The following NFATC1 variants were observed in gnomAD, a reference collection of about 807,000 sequenced individuals.
The protein encoded by NFATC1 is nuclear factor of activated T-cells, cytoplasmic 1.
Under a neutral mutation model 76.0 loss-of-function variants are expected in NFATC1, and 22 were observed. The ratio of observed to expected loss-of-function variants is 0.29; its 90% CI spans 0.21 to 0.41. NFATC1 has a LOEUF of 0.41. NFATC1 is among the 10% of genes least tolerant of loss of function. The pLI is 1.00. For synonymous variants in NFATC1, 704 were observed against 613.1 expected (o/e 1.15, Z -2.19); for missense variants, 1,357 against 1,337.7 (o/e 1.01, Z -0.23).
At chr18:79,495,691 C>T (rs1049942269) in intron 9 of NFATC1, among the ~76,000 whole-genome samples, 13 of 152,276 alleles carry the variant, frequency 8.5e-5, no homozygotes, top group Admixed American at 3.3e-4. Context: ...CGCGACTGCG[C>T]GTCTGGGCAG....
In NFATC1 at chr18:79,402,868, G is replaced by A. The variant is rs375378261; in HGVS notation, c.127+6517G>A. Among the ~76,000 whole-genome samples, 5 of 152,318 alleles carry A rather than the reference G, an allele frequency of 3.3e-5. No homozygotes were observed. In the East Asian group the frequency reaches 9.6e-4, roughly 29 times the overall value. ...TACATTGACTCTCCAGCTTTTGACG[G>A]GTGATAGAAACTACTTCACGTTGTT... On this transcript the variant is annotated intron_variant, in intron 1 of 9. Coordinates refer to ENST00000427363, the MANE Select transcript of NFATC1 (RefSeq NM_001278669.2).
rs532647215 is a variant in NFATC1, at chr18:79,477,394, G to A, written c.2093-8854G>A. On this transcript the variant is annotated intron_variant, in intron 8 of 9. Transcript: ENST00000427363. ...CATGGGGGAGCAGGGAACTGTCTTGGGATCATTCTTTGCTGTGCACAGCAG... is the reference window on the plus strand; with the variant it reads ...CATGGGGGAGCAGGGAACTGTCTTGAGATCATTCTTTGCTGTGCACAGCAG... 4.6e-5 allele frequency among the ~76,000 whole-genome samples: 7 copies of A among 152,338 alleles called. No individual in the cohort carries two copies. The South Asian group carries it at 1.5e-3, about 32-fold the overall frequency.
At chr18:79,400,516 C>G (rs1173395272) in intron 1 of NFATC1, 1 of 1,379,406 alleles carries the variant, frequency 7.2e-7, no homozygotes, top group Non-Finnish European at 9.4e-7. Flanking sequence ...GGCGCGGGGC[C>G]AGGTCGGGGT....
intron 9 of NFATC1, among the ~76,000 whole-genome samples, chr18:79,502,535 G>C (rs2090035893): frequency 6.6e-6 from 1 of 152,130 alleles, no homozygotes; most frequent in Non-Finnish European, 1.5e-5. Flanking sequence ...AAAATGAAAA[G>C]ATAAGCAATA....
At chr18:79,498,239 A>G (rs999557838) in intron 9 of NFATC1, 1 of 152,248 alleles carries the variant, frequency 6.6e-6, no homozygotes, top group Admixed American at 6.5e-5. Context: ...AAGGCTTTAA[A>G]TCAGCTGCAA....
intron 2 of NFATC1, among the ~76,000 whole-genome samples, chr18:79,411,780 G>A (rs2085696646): frequency 6.6e-6 from 1 of 152,204 alleles, no homozygotes; most frequent in African/African-American, 2.4e-5. Context: ...TGATGGCCTC[G>A]TGTTCGCTCA....
At chr18:79,435,555 G>C (rs1375956420) in intron 3 of NFATC1, among the ~76,000 whole-genome samples, 1 of 152,054 alleles carries the variant, frequency 6.6e-6, no homozygotes, top group Admixed American at 6.5e-5. Flanking sequence ...GCCTGGTGCC[G>C]CCCGTCTCTG....
At chr18:79,475,821 C>T (rs769334417) in intron 8 of NFATC1, among the ~76,000 whole-genome samples, 1 of 152,212 alleles carries the variant, frequency 6.6e-6, no homozygotes, top group Non-Finnish European at 1.5e-5. Context: ...CCTAGCCACC[C>T]GACGCTCAGG....
intron 8 of NFATC1, chr18:79,468,192 A>G (rs1275283903): frequency 6.5e-6 from 1 of 154,360 alleles, no homozygotes; most frequent in Non-Finnish European, 1.4e-5. Context: ...AAAAAAAAAA[A>G]TCATCTTACC....
At position 79,524,270 on chromosome 18, in the gene NFATC1, C is replaced by T. The variant is rs1487491639; in HGVS notation, c.2783-3258C>T. Among the ~76,000 whole-genome samples, 4 of 152,202 alleles carry T rather than the reference C, an allele frequency of 2.6e-5. No individual in the cohort carries two copies. The highest frequency in any genetic ancestry group is 5.9e-5 in the Non-Finnish European group (4 of 68,028). ...GTTGTCCACCTGTGAAAGGGGAAGC[C>T]GTGGCTTTCCTCTCAGGGCTACGGC... On this transcript the variant is annotated intron_variant, in intron 9 of 9. Coordinates refer to ENST00000427363, the MANE Select transcript of NFATC1 (RefSeq NM_001278669.2). The surrounding 1 kb of genome is among the most constrained non-coding windows in gnomAD (Gnocchi z 7.2).
At position 79,495,076 on chromosome 18, in the gene NFATC1, G is replaced by A. The variant is rs188647963; in HGVS notation, c.2782+8139G>A. 4.3e-3 allele frequency among the ~76,000 whole-genome samples: 648 copies of A among 152,370 alleles called. 3 individuals carry two copies. Among genetic ancestry groups the A allele is most frequent in the Non-Finnish European group, 7.3e-3 (499 of 68,032 alleles). ...GCAAGTCTGCCCCTTGAGGAAATGGGGGCAAGGATGGCACTGAGACGGGTG... is the reference window on the plus strand; with the variant it reads ...GCAAGTCTGCCCCTTGAGGAAATGGAGGCAAGGATGGCACTGAGACGGGTG... On this transcript the variant is annotated intron_variant, in intron 9 of 9. Coordinates refer to ENST00000427363, the MANE Select transcript of NFATC1 (RefSeq NM_001278669.2).
At chr18:79,409,937 G>GC in intron 1 of NFATC1, 1 of 481,076 alleles carries the variant, frequency 2.1e-6, no homozygotes, top group East Asian at 5.5e-5. Flanking sequence ...GAGAAGGATG[G>GC]CCCACGTGTT....
chr18:79,430,767 C>A (rs2086563555), intron 2 of NFATC1, among the ~76,000 whole-genome samples: 1 of 151,108 alleles, frequency 6.6e-6, no homozygotes, highest in African/African-American at 2.4e-5. Context: ...CGCCTCGCAT[C>A]ATCTGCGACT....
At chr18:79,396,375 C>A in intron 1 of NFATC1, 24 bp downstream of exon 1, 1 of 1,267,428 alleles carries the variant, frequency 7.9e-7, no homozygotes, top group South Asian at 2.3e-5. Context: ...GGCCTCCGCC[C>A]CCGGACCCCT....
At chr18:79,442,332 C>G (rs573123456) in intron 3 of NFATC1, among the ~76,000 whole-genome samples, 1 of 152,262 alleles carries the variant, frequency 6.6e-6, no homozygotes, top group Non-Finnish European at 1.5e-5. Flanking sequence ...GGCGTCGGTC[C>G]TGCTGAGCAG....
At chr18:79,452,813 G>A (rs2087530848) in intron 6 of NFATC1, among the ~76,000 whole-genome samples, 1 of 152,202 alleles carries the variant, frequency 6.6e-6, no homozygotes, top group Admixed American at 6.5e-5. Flanking sequence ...TGAGGGGCAT[G>A]CCCCCACAAG....
At chr18:79,407,780 C>T (rs932196895) in intron 1 of NFATC1, among the ~76,000 whole-genome samples, 4 of 152,222 alleles carry the variant, frequency 2.6e-5, no homozygotes, top group Non-Finnish European at 1.5e-5. Flanking sequence ...GTTCTCTCTC[C>T]GGTGCAGGAG....
chr18:79,520,326 T>C (rs1469025257), intron 9 of NFATC1, among the ~76,000 whole-genome samples: 2 of 136,274 alleles, frequency 1.5e-5, no homozygotes, highest in Non-Finnish European at 3.3e-5. Flanking sequence ...GGTGTTGATT[T>C]CAGAACAGGG....
At chr18:79,443,170 G>C (rs538024272) in intron 3 of NFATC1, among the ~76,000 whole-genome samples, 1 of 152,168 alleles carries the variant, frequency 6.6e-6, no homozygotes. Flanking sequence ...ATCTGAACAC[G>C]ATCTATGAAT....
Sources: allele counts gnomAD v4.1 joint callset (sites outside exome capture counted in the v4.1 genomes callset), GRCh38; gene constraint gnomAD v4.1.1; non-coding constraint Gnocchi (gnomAD v3.1); transcripts MANE v1.5; gene names NCBI Gene and HGNC (gene_info 2026-07-23, HGNC 2026-07-21).